ZNF69: variants seen among roughly 807,000 people sequenced by gnomAD.
The protein encoded by ZNF69 is ZNF3.
In ZNF69, 47 loss-of-function variants were observed where a neutral mutation model predicts 50.9. That is an observed-to-expected ratio of 0.92 (90% CI 0.73 to 1.18). The LOEUF (loss-of-function observed/expected upper bound fraction) is 1.18, where lower values mean the gene tolerates loss of function less well. ZNF69 is among the 50% of genes most tolerant of loss of function. The probability of loss-of-function intolerance (pLI) is 0.00; values close to 1 mark genes in which losing one functional copy is unlikely to be tolerated. For missense variants in ZNF69, 717 were observed against 675.1 expected (o/e 1.06, Z -0.69); for synonymous variants, 216 against 223.1 (o/e 0.97, Z 0.29).
At chr19:11,977,850 C>G in the ZNF69 span, among the ~76,000 whole-genome samples, 6 of 152,140 alleles carry the variant, frequency 3.9e-5, no homozygotes, top group East Asian at 1.2e-3. Flanking sequence ...GGATGAGACC[C>G]TGACTCGAAA....
intron 1 of ZNF69, among the ~76,000 whole-genome samples, chr19:11,894,569 A>C (rs1977177319): frequency 6.6e-6 from 1 of 152,066 alleles, no homozygotes; most frequent in Non-Finnish European, 1.5e-5. Context: ...GTGACCTAAT[A>C]TTCCCACAGC....
the ZNF69 span, among the ~76,000 whole-genome samples, chr19:11,933,539 C>T: frequency 6.8e-6 from 1 of 147,590 alleles, no homozygotes; most frequent in Non-Finnish European, 1.5e-5. Flanking sequence ...CCCTCTTCTG[C>T]CACCCCTATT....
chr19:11,935,000 A>G, the ZNF69 span, among the ~76,000 whole-genome samples: 2 of 144,502 alleles, frequency 1.4e-5, 1 homozygote, highest in African/African-American at 5.6e-5. Context: ...ACACTGTGAA[A>G]CCCCGTCTCT....
At chr19:11,900,775 C>A (rs279203) in intron 1 of ZNF69, among the ~76,000 whole-genome samples, 1 of 152,134 alleles carries the variant, frequency 6.6e-6, no homozygotes, top group Non-Finnish European at 1.5e-5. Context: ...TCTGCTGCCT[C>A]TCTTTTTCTT....
At chr19:11,968,164 T>C in the ZNF69 span, among the ~76,000 whole-genome samples, 12 of 152,226 alleles carry the variant, frequency 7.9e-5, no homozygotes, top group Non-Finnish European at 1.8e-4. Flanking sequence ...CCTAGGCACT[T>C]GCTTCCCTAA....
At chr19:11,921,596 C>T in the ZNF69 span, among the ~76,000 whole-genome samples, 11 of 151,686 alleles carry the variant, frequency 7.3e-5, no homozygotes, top group East Asian at 5.8e-4. Flanking sequence ...TTCCAACTCC[C>T]GGGTTCAAGC....
At chr19:11,888,958 C>T (rs569645458) in intron 1 of ZNF69, among the ~76,000 whole-genome samples, 41 of 151,858 alleles carry the variant, frequency 2.7e-4, no homozygotes, top group Non-Finnish European at 3.4e-4. Flanking sequence ...GCACAGAGTG[C>T]GACTCTGTCT....
At chr19:11,972,647 G>A in the ZNF69 span, among the ~76,000 whole-genome samples, 1 of 152,096 alleles carries the variant, frequency 6.6e-6, no homozygotes, top group Non-Finnish European at 1.5e-5. Context: ...TTTTAACTCA[G>A]TTATGAACCT....
At position 11,904,861 on chromosome 19, in the gene ZNF69, A is replaced by G. The variant is rs200143718; in HGVS notation, c.464A>G (p.Glu155Gly). The part of the protein sequence containing the change: ...IRGDIGHKAY[E>G]YQEYGPKPCK... Reference sequence around the variant, plus strand: ...GGTGACATTGGACACAAGGCCTATGAGTATCAGGAATATGGACCGAAGCCA... The same window carrying G: ...GGTGACATTGGACACAAGGCCTATGGGTATCAGGAATATGGACCGAAGCCA... The change falls in exon 4 of 4, where the codon GAG (glutamate) becomes GGG (glycine). Residue 155 changes from glutamate to glycine, a missense_variant. Glu to Gly is a moderately conservative substitution (Grantham distance 98). Transcript: ENST00000429654. The G allele has an allele frequency of 6.2e-7, 1 of 1,614,190 alleles. No homozygotes were observed. The highest frequency in any genetic ancestry group is 2.2e-5 in the East Asian group (1 of 44,874).
chr19:11,934,358 T>C, the ZNF69 span, among the ~76,000 whole-genome samples: 1 of 147,898 alleles, frequency 6.8e-6, no homozygotes. Context: ...TCTTCAGACC[T>C]CCGCAGACTG....
At chr19:11,908,707 C>A (rs1373797961), downstream of ZNF69, among the ~76,000 whole-genome samples, 1 of 152,120 alleles carries the variant, frequency 6.6e-6, no homozygotes, top group Non-Finnish European at 1.5e-5. Flanking sequence ...TAAATGCCCA[C>A]AGGAGAAAGC....
At chr19:11,914,652 T>C (rs1972505654), downstream of ZNF69, among the ~76,000 whole-genome samples, 1 of 152,186 alleles carries the variant, frequency 6.6e-6, no homozygotes, top group African/African-American at 2.4e-5. Flanking sequence ...GAAAAGTTTC[T>C]TTTATATATT....
At chr19:11,929,170 T>C in the ZNF69 span, among the ~76,000 whole-genome samples, 1 of 148,236 alleles carries the variant, frequency 6.7e-6, no homozygotes, top group Admixed American at 6.6e-5. Context: ...TTTGTTGTTT[T>C]TGTTGTTTGT....
the ZNF69 span, among the ~76,000 whole-genome samples, chr19:11,926,992 G>A: frequency 1.3e-5 from 2 of 152,178 alleles, no homozygotes; most frequent in Non-Finnish European, 2.9e-5. Flanking sequence ...CCCCAGGAGA[G>A]TTCTTGAATC....
Position 11,887,880 on chromosome 19 carries a change from C to T in ZNF69, c.-44C>T, listed in dbSNP as rs772587463. On this transcript the variant is annotated 5_prime_UTR_variant, in exon 1 of 4. Transcript: ENST00000429654. Reference sequence around the variant, plus strand: ...CCGGTCTTTCCAGCCCCGAGAGGGACCTGGTTCCTCTGCCCAGGCTTCTGT... The same window carrying T: ...CCGGTCTTTCCAGCCCCGAGAGGGATCTGGTTCCTCTGCCCAGGCTTCTGT... 26 of 1,586,020 alleles carry T rather than the reference C, an allele frequency of 1.6e-5. No homozygotes were observed. The South Asian group carries it at 2.8e-4, about 17-fold the overall frequency.
chr19:11,893,843 A>C lies in ZNF69; in HGVS notation c.63+5857A>C, dbSNP rs148035581. On this transcript the variant is annotated intron_variant, in intron 1 of 3. Coordinates refer to ENST00000429654, the MANE Select transcript of ZNF69 (RefSeq NM_001364730.1). ...GCTCAACTTCTCTCTCCCAACTCCA[A>C]TTTCCATTAATTGGAGACACATAGA... 3.0e-3 allele frequency among the ~76,000 whole-genome samples: 457 copies of C among 152,194 alleles called. 6 individuals carry two copies. The East Asian group carries it at 0.035, about 12-fold the overall frequency.
the ZNF69 span, among the ~76,000 whole-genome samples, chr19:11,962,912 G>A: frequency 2.0e-5 from 3 of 152,088 alleles, no homozygotes; most frequent in South Asian, 6.2e-4. Context: ...TTCACCAGGG[G>A]CTTTTTCCAT....
chr19:11,905,541 C>CA lies in ZNF69; in HGVS notation c.1145dup (p.His382GlnfsTer8). ...TTCATTTCAAAGACATGAAAAAACT[C>CA]ACAGTGGAGAGAAACCCTATAAATG... On this transcript the variant is annotated frameshift_variant, in exon 4 of 4. Coordinates refer to ENST00000429654, the MANE Select transcript of ZNF69 (RefSeq NM_001364730.1). LOFTEE classifies it high-confidence loss of function. The CA allele has an allele frequency of 6.2e-7, 1 of 1,613,648 alleles. No individual in the cohort carries two copies. Among genetic ancestry groups the CA allele is most frequent in the South Asian group, 1.1e-5 (1 of 91,056 alleles).
chr19:11,947,036 A>G, the ZNF69 span: 1 of 1,329,138 alleles, frequency 7.5e-7, no homozygotes, highest in African/African-American at 1.5e-5. Flanking sequence ...AAGTAAGTAT[A>G]GATGGAGAGA....
Sources: gnomAD v4.1 joint callset for allele counts (sites outside exome capture counted in the v4.1 genomes callset) on GRCh38, gnomAD v4.1.1 for gene constraint, MANE v1.5 for transcripts, NCBI Gene and HGNC (gene_info 2026-07-23, HGNC 2026-07-21) for gene names.